The following DNAAF5 variants were observed in gnomAD, a reference collection of about 807,000 sequenced individuals.
DNAAF5 encodes the protein HEAT repeat containing 2.
A neutral mutation model predicts 75.8 loss-of-function variants in DNAAF5; 64 were observed. That is an observed-to-expected ratio of 0.84 (90% confidence interval 0.69 to 1.04). The LOEUF (loss-of-function observed/expected upper bound fraction) is 1.04, where lower values mean the gene tolerates loss of function less well. Ranked by LOEUF, DNAAF5 falls within the 50% of genes least tolerant of loss-of-function variation. The pLI, the probability that DNAAF5 is intolerant of heterozygous loss-of-function variation, is 0.00. For synonymous variants in DNAAF5, 657 were observed against 557.2 expected (o/e 1.18, Z -2.52); for missense variants, 1,269 against 1,178.5 (o/e 1.08, Z -1.12).
chr7:732,285 A>G (rs542192056), intron 2 of DNAAF5, among the ~76,000 whole-genome samples: 135 of 152,350 alleles, frequency 8.9e-4, no homozygotes, highest in Admixed American at 1.0e-3. Context: ...AGCCCAGGAC[A>G]CTGACCACAC....
chr7:761,107 G>A (rs1782629232), intron 6 of DNAAF5, among the ~76,000 whole-genome samples: 1 of 152,216 alleles, frequency 6.6e-6, no homozygotes, highest in African/African-American at 2.4e-5. Flanking sequence ...CATCACTAAC[G>A]CAGCTTCTCC....
chr7:758,405 C>A (rs1782551597), intron 6 of DNAAF5, among the ~76,000 whole-genome samples: 1 of 152,180 alleles, frequency 6.6e-6, no homozygotes, highest in Non-Finnish European at 1.5e-5. Flanking sequence ...CCAGTTTTAT[C>A]GAGGAAAAAT....
At chr7:775,761 A>G (rs1035147039) in intron 11 of DNAAF5, among the ~76,000 whole-genome samples, 23 of 152,224 alleles carry the variant, frequency 1.5e-4, no homozygotes, top group Non-Finnish European at 3.2e-4. Flanking sequence ...CTCGTGAAGG[A>G]AGCGTCGTGT....
chr7:775,555 CAT>C lies in DNAAF5; in HGVS notation c.2239+394_2239+395del, dbSNP rs564124304. ...GTGTGTGTGTATGGCTACATATATA[CAT>C]GTTTGTGCATTTATACATACAAATA... On this transcript the variant is annotated intron_variant, in intron 11 of 12. Coordinates refer to ENST00000297440, the MANE Select transcript of DNAAF5 (RefSeq NM_017802.4). 1.5e-4 allele frequency among the ~76,000 whole-genome samples: 23 copies of C among 151,848 alleles called. 1 individual carries two copies. In the South Asian group the frequency reaches 4.4e-3, roughly 29 times the overall value.
At chr7:743,638 C>A (rs903815154) in intron 4 of DNAAF5, among the ~76,000 whole-genome samples, 2 of 143,860 alleles carry the variant, frequency 1.4e-5, no homozygotes, top group Non-Finnish European at 3.0e-5. Context: ...TGAGAACGCT[C>A]GATCTTTTTT....
At chr7:765,145 G>A (rs1782781079) in intron 8 of DNAAF5, among the ~76,000 whole-genome samples, 1 of 152,072 alleles carries the variant, frequency 6.6e-6, no homozygotes, top group Non-Finnish European at 1.5e-5. Context: ...AAACAAAGCT[G>A]GCGATTGCTG....
intron 5 of DNAAF5, among the ~76,000 whole-genome samples, chr7:755,668 C>G (rs1403225799): frequency 1.3e-5 from 2 of 152,206 alleles, no homozygotes; most frequent in South Asian, 2.1e-4. Context: ...GAGTTTGAGG[C>G]CTCAGTGAGC....
intron 4 of DNAAF5, among the ~76,000 whole-genome samples, chr7:745,208 C>T (rs886904757): frequency 6.6e-6 from 1 of 152,228 alleles, no homozygotes; most frequent in African/African-American, 2.4e-5. Context: ...GCCCAAGCTG[C>T]ATGGCAAATC....
chr7:731,263 C>A (rs1480985391), intron 2 of DNAAF5, among the ~76,000 whole-genome samples: 5 of 152,182 alleles, frequency 3.3e-5, no homozygotes, highest in Non-Finnish European at 7.3e-5. Flanking sequence ...TGTAAGCCTA[C>A]TGTCACTGTC....
chr7:779,531 C>G (rs1411602713), intron 11 of DNAAF5, among the ~76,000 whole-genome samples: 1 of 152,188 alleles, frequency 6.6e-6, no homozygotes, highest in Non-Finnish European at 1.5e-5. Context: ...TTGTCTGTCA[C>G]TGAGTCCTCA....
chr7:782,159 C>CCTG (rs1778972858), intron 12 of DNAAF5, among the ~76,000 whole-genome samples: 6 of 152,098 alleles, frequency 3.9e-5, no homozygotes, highest in Non-Finnish European at 7.4e-5. Context: ...CTCGGATCTT[C>CCTG]GCGGCGTGGC....
intron 5 of DNAAF5, among the ~76,000 whole-genome samples, chr7:756,049 A>G (rs35400476): frequency 0.58 from 7,464 of 12,796 alleles, 2,066 homozygotes; most frequent in Middle Eastern, 0.78. Context: ...GGGCTGGTGT[A>G]TGTGTGATCC....
At chr7:729,517 T>C in intron 1 of DNAAF5, 146 bp from the exon 2 acceptor site, 3 of 716,806 alleles carry the variant, frequency 4.2e-6, no homozygotes, top group East Asian at 5.4e-5. Flanking sequence ...GCCTGGATTG[T>C]GTACTGTTCA....
intron 12 of DNAAF5, among the ~76,000 whole-genome samples, chr7:782,133 C>T (rs548805001): frequency 3.7e-4 from 57 of 152,188 alleles, no homozygotes; most frequent in East Asian, 2.1e-3. Flanking sequence ...CGCCTCCCGT[C>T]GCGCAGCGTC....
intron 4 of DNAAF5, among the ~76,000 whole-genome samples, chr7:741,967 G>C (rs181599391): frequency 6.6e-6 from 1 of 152,216 alleles, no homozygotes; most frequent in Non-Finnish European, 1.5e-5. Context: ...AGGGTCTCCT[G>C]CTGCGTGGCC....
intron 2 of DNAAF5, among the ~76,000 whole-genome samples, chr7:737,079 T>G (rs2128071562): frequency 6.6e-6 from 1 of 152,016 alleles, no homozygotes; most frequent in African/African-American, 2.4e-5. Flanking sequence ...TATTTTTATT[T>G]TTATTTATTT....
rs1402375581 is a variant in DNAAF5 at position 754,002 on chromosome 7, C to T, written c.1025-587C>T. The stretch of plus-strand genomic sequence containing the variant: ...GATGGCTTCGCAGGCGTGTGTCTCT[C>T]TGATCATAGGGGGACGGCTTCGCAG... On this transcript the variant is annotated intron_variant, in intron 4 of 12. Coordinates refer to ENST00000297440, the MANE Select transcript of DNAAF5 (RefSeq NM_017802.4). The surrounding 1 kb of genome is among the most constrained non-coding windows in gnomAD (Gnocchi z 4.8). Among the ~76,000 whole-genome samples, 1 of 141,308 alleles carries T rather than the reference C, an allele frequency of 7.1e-6. No individual in the cohort carries two copies. The highest frequency in any genetic ancestry group is 2.7e-5 in the African/African-American group (1 of 37,080). The allele number at this position is 141,308 out of a possible 152,430, so 92.7% of individuals were successfully genotyped here.
At chr7:769,078 A>T in intron 8 of DNAAF5, 1 of 711,682 alleles carries the variant, frequency 1.4e-6, no homozygotes. Context: ...CAGAGCAGCG[A>T]GTACATTGCG....
chr7:782,415 C>T (rs1210959847), intron 12 of DNAAF5, among the ~76,000 whole-genome samples: 6 of 144,430 alleles, frequency 4.2e-5, no homozygotes, highest in Admixed American at 1.4e-4. Flanking sequence ...CGCCTCCCCT[C>T]ACGCGGCGTC....
Sources: gnomAD v4.1 joint callset for allele counts (sites outside exome capture counted in the v4.1 genomes callset) on GRCh38, gnomAD v4.1.1 for gene constraint, Gnocchi (gnomAD v3.1) non-coding constraint, MANE v1.5 for transcripts, NCBI Gene and HGNC (gene_info 2026-07-23, HGNC 2026-07-21) for gene names.